Variants in RASEF observed in about 807,000 individuals in gnomAD.
The protein encoded by RASEF is RAS and EF-hand domain containing, also known as ras and EF-hand domain-containing protein.
A neutral mutation model predicts 90.1 loss-of-function variants in RASEF; 68 were observed. The ratio of observed to expected loss-of-function variants is 0.75; its 90% CI spans 0.62 to 0.92. The LOEUF (loss-of-function observed/expected upper bound fraction) is 0.92, where lower values mean the gene tolerates loss of function less well. Ranked by LOEUF, RASEF falls within the 40% of genes least tolerant of loss-of-function variation. The pLI, the probability that RASEF is intolerant of heterozygous loss-of-function variation, is 0.00. For synonymous variants in RASEF, 331 were observed against 345.2 expected (o/e 0.96, Z 0.46); for missense variants, 949 against 937.2 (o/e 1.01, Z -0.16).
the RASEF span, among the ~76,000 whole-genome samples, chr9:83,168,267 T>A: frequency 6.6e-6 from 1 of 152,174 alleles, no homozygotes; most frequent in Non-Finnish European, 1.5e-5. Context: ...GATATGAGCA[T>A]CTTTTCCTGT....
rs2118445605 is a variant in RASEF at position 83,000,934 on chromosome 9, C to A, written c.1399G>T (p.Val467Leu). ...HQRGFQRSHG[V>L]QESFGGDASD... ...GCATCACCTCCAAAGCTCTCCTGCA[C>A]CCCGTGTGACCTCTGAAATCCCCTC... The change falls in exon 10 of 17, where the codon GTG becomes TTG. Residue 467 changes from valine (V) to leucine (L), a missense_variant. This residue lies in a region of RASEF where 5 missense variants were observed against 16.7 expected (regional missense o/e 0.30). Coordinates refer to ENST00000376447, the MANE Select transcript of RASEF (RefSeq NM_152573.4). 1 of 1,614,142 alleles carries A rather than the reference C, an allele frequency of 6.2e-7. No homozygotes were observed. The highest frequency in any genetic ancestry group is 2.2e-5 in the East Asian group (1 of 44,866).
the RASEF span, among the ~76,000 whole-genome samples, chr9:83,144,433 AG>A: frequency 6.7e-6 from 1 of 149,848 alleles, no homozygotes; most frequent in African/African-American, 2.5e-5. Flanking sequence ...AAAGAAAGAA[AG>A]GAAAAGAAAA....
the RASEF span, among the ~76,000 whole-genome samples, chr9:83,071,501 T>C: frequency 2.2e-4 from 33 of 152,172 alleles, no homozygotes; most frequent in Admixed American, 2.0e-3. Flanking sequence ...TGCCTCCAGG[T>C]CTCAAGCCAT....
At chr9:83,112,693 A>C in the RASEF span, among the ~76,000 whole-genome samples, 2 of 152,218 alleles carry the variant, frequency 1.3e-5, no homozygotes, top group Non-Finnish European at 2.9e-5. Context: ...GTCTCAAAAA[A>C]AAAAAAAGTA....
At chr9:83,011,566 A>AAAC (rs1293216161) in intron 5 of RASEF, among the ~76,000 whole-genome samples, 3 of 150,520 alleles carry the variant, frequency 2.0e-5, no homozygotes, top group Non-Finnish European at 4.4e-5. Context: ...AAAAAAAAAA[A>AAAC]AAAAAAAAAA....
chr9:83,027,936 C>A (rs1256801696), intron 1 of RASEF, among the ~76,000 whole-genome samples: 1 of 152,104 alleles, frequency 6.6e-6, no homozygotes, highest in Admixed American at 6.6e-5. Context: ...TGCAATCTGG[C>A]CTTCTTCTTC....
intron 12 of RASEF, among the ~76,000 whole-genome samples, chr9:82,998,944 G>A (rs1266081718): frequency 1.3e-5 from 2 of 152,056 alleles, no homozygotes; most frequent in Admixed American, 1.3e-4. Flanking sequence ...ATATACACAC[G>A]TTAGTGCACA....
chr9:83,041,364 C>T (rs1439652187), intron 1 of RASEF, among the ~76,000 whole-genome samples: 3 of 152,120 alleles, frequency 2.0e-5, no homozygotes, highest in Non-Finnish European at 4.4e-5. Context: ...CTGATTTTTA[C>T]CTACCTACCT....
chr9:83,009,168 A>G (rs1587491187), intron 6 of RASEF, among the ~76,000 whole-genome samples: 2 of 151,948 alleles, frequency 1.3e-5, no homozygotes, highest in Admixed American at 1.3e-4. Context: ...TATATTTACC[A>G]TCCATATAAA....
At chr9:83,098,664 T>TG in the RASEF span, among the ~76,000 whole-genome samples, 1 of 152,204 alleles carries the variant, frequency 6.6e-6, no homozygotes, top group Non-Finnish European at 1.5e-5. Context: ...CAGTGTCACA[T>TG]GGCTGGGGAG....
the RASEF span, among the ~76,000 whole-genome samples, chr9:83,125,140 G>C: frequency 7.2e-5 from 11 of 152,158 alleles, no homozygotes; most frequent in Non-Finnish European, 1.3e-4. Context: ...GAGGGGCAGG[G>C]CAGTGGTGGA....
the RASEF span, among the ~76,000 whole-genome samples, chr9:83,132,250 T>A: frequency 1.3e-5 from 2 of 152,126 alleles, no homozygotes; most frequent in African/African-American, 2.4e-5. Flanking sequence ...GGAGCTACCA[T>A]GTAATAGTCT....
At position 83,004,564 on chromosome 9, in the gene RASEF, C is replaced by G; in HGVS notation, c.1136G>C (p.Gly379Ala). 5.0e-6 allele frequency: 8 copies of G among 1,589,394 alleles called. No homozygotes were observed. The highest frequency in any genetic ancestry group is 6.9e-6 in the Non-Finnish European group (8 of 1,157,746). Residue 379 changes from glycine to alanine, a missense_variant, in exon 9 of 17, where the codon GGG becomes GCG. Transcript: ENST00000376447. ...GGGACTGCTTCTAGAAATTGTATTC[C>G]CTGGTGAGATATTATTTATATGCTG... The part of the protein sequence containing the change: ...RSLHINNISP[G>A]NTISRSSPKF...
intron 1 of RASEF, among the ~76,000 whole-genome samples, chr9:83,042,281 A>G (rs921222200): frequency 6.6e-6 from 1 of 152,214 alleles, no homozygotes; most frequent in African/African-American, 2.4e-5. Context: ...AATTTGCTTG[A>G]GTGGACAAGG....
chr9:83,000,014 C>G (rs1432424135), intron 12 of RASEF, among the ~76,000 whole-genome samples, 155 bp downstream of exon 12: 3 of 151,458 alleles, frequency 2.0e-5, no homozygotes, highest in Admixed American at 1.3e-4. Flanking sequence ...CACACACACA[C>G]ACACACACAC....
the RASEF span, among the ~76,000 whole-genome samples, chr9:83,126,295 T>C: frequency 6.6e-6 from 1 of 152,144 alleles, no homozygotes; most frequent in African/African-American, 2.4e-5. Flanking sequence ...GAGCTCTCTC[T>C]ATCTTTATCA....
At chr9:83,039,452 G>A (rs1168521572) in intron 1 of RASEF, among the ~76,000 whole-genome samples, 1 of 152,190 alleles carries the variant, frequency 6.6e-6, no homozygotes, top group African/African-American at 2.4e-5. Flanking sequence ...AGAAGGTGGA[G>A]TTTTATACTG....
the RASEF span, among the ~76,000 whole-genome samples, chr9:83,090,107 T>C: frequency 6.6e-6 from 1 of 152,236 alleles, no homozygotes; most frequent in Non-Finnish European, 1.5e-5. Flanking sequence ...CTCATTCTTC[T>C]GCATGCTCAA....
intron 1 of RASEF, 99 bp from the exon 2 acceptor site, chr9:83,026,020 G>C: frequency 1.1e-6 from 1 of 885,988 alleles, no homozygotes; most frequent in Non-Finnish European, 1.7e-6. Flanking sequence ...AAGAACTAAG[G>C]AAAGAAAAAC....
Sources: allele counts gnomAD v4.1 joint callset (sites outside exome capture counted in the v4.1 genomes callset), GRCh38; gene constraint gnomAD v4.1.1; regional missense constraint gnomAD v4.1.1; transcripts MANE v1.5; gene names NCBI Gene and HGNC (gene_info 2026-07-23, HGNC 2026-07-21).